The following TRDMT1 variants were observed in gnomAD, a reference collection of about 807,000 sequenced individuals.
The protein encoded by TRDMT1 is tRNA (cytosine(38)-C(5))-methyltransferase.
In TRDMT1, 49 loss-of-function variants were observed where a neutral mutation model predicts 51.2. That is an observed-to-expected ratio of 0.96 (90% CI 0.76 to 1.21). TRDMT1 has a LOEUF of 1.21. TRDMT1 is among the 50% of genes most tolerant of loss of function. The probability of loss-of-function intolerance (pLI) is 0.00; values close to 1 mark genes in which losing one functional copy is unlikely to be tolerated. For missense variants in TRDMT1, 534 were observed against 462.3 expected, an observed-to-expected ratio of 1.16 and a Z score of -1.42; for synonymous variants, 187 against 164.6, an observed-to-expected ratio of 1.14 and a Z score of -1.04.
chr10:17,182,191 G>C (rs905273263), intron 1 of TRDMT1, among the ~76,000 whole-genome samples: 33 of 152,154 alleles, frequency 2.2e-4, no homozygotes, highest in African/African-American at 7.0e-4. Flanking sequence ...CAGGCATTTT[G>C]ATGCAATAAG....
chr10:17,161,941 G>C (rs1050614262), intron 4 of TRDMT1, among the ~76,000 whole-genome samples: 1 of 152,222 alleles, frequency 6.6e-6, no homozygotes, highest in African/African-American at 2.4e-5. Context: ...GCAGAATCTA[G>C]CTAGTAGGCT....
At position 17,148,053 on chromosome 10, in the gene TRDMT1, C is replaced by A. The variant is rs556069761; in HGVS notation, c.*987G>T. 1 of 985,256 alleles carries A rather than the reference C, an allele frequency of 1.0e-6. No homozygotes were observed. The highest frequency in any genetic ancestry group is 1.7e-5 in the African/African-American group (1 of 57,358). The allele number at this position is 985,256 out of a possible 1,614,324, so 61.0% of individuals were successfully genotyped here. A position where few individuals can be genotyped will look rare whatever the true frequency, so the allele number is the denominator to read the frequency against. ...TTCTTTTCATCTCTCTTCTCTTTGT[C>A]ACTTGCTTTTATCACAAACCATAGA... On this transcript the variant is annotated 3_prime_UTR_variant, in exon 11 of 11. Coordinates refer to ENST00000377799, the MANE Select transcript of TRDMT1 (RefSeq NM_004412.7).
chr10:17,171,109 A>G (rs1380161541), intron 2 of TRDMT1, among the ~76,000 whole-genome samples: 1 of 61,656 alleles, frequency 1.6e-5, no homozygotes, highest in African/African-American at 4.9e-5. Context: ...TACTGGATTT[A>G]GATGTGTGTG....
intron 1 of TRDMT1, among the ~76,000 whole-genome samples, chr10:17,178,764 T>C (rs1842929437): frequency 6.6e-6 from 1 of 152,044 alleles, no homozygotes; most frequent in Non-Finnish European, 1.5e-5. Flanking sequence ...ATTAAAAATA[T>C]TTTTCAAAGA....
intron 1 of TRDMT1, among the ~76,000 whole-genome samples, chr10:17,177,266 G>C (rs1267008140): frequency 6.6e-6 from 1 of 150,854 alleles, no homozygotes; most frequent in East Asian, 1.9e-4. Context: ...GCATGATCTC[G>C]GCTCACTGCA....
intron 1 of TRDMT1, among the ~76,000 whole-genome samples, chr10:17,184,922 A>G (rs747491537): frequency 6.6e-6 from 1 of 152,034 alleles, no homozygotes; most frequent in Non-Finnish European, 1.5e-5. Flanking sequence ...TAGAATATGG[A>G]TATCTGTTTG....
chr10:17,184,661 T>C (rs1215912576), intron 1 of TRDMT1, among the ~76,000 whole-genome samples: 1 of 152,136 alleles, frequency 6.6e-6, no homozygotes, highest in Non-Finnish European at 1.5e-5. Flanking sequence ...AAAGGAGAGT[T>C]AAGTTTTACA....
At position 17,151,120 on chromosome 10, in the gene TRDMT1, TTAAATC is replaced by T. The variant is rs527466526; in HGVS notation, c.1076-1986_1076-1981del. 16 of 766,474 alleles carry T rather than the reference TTAAATC, an allele frequency of 2.1e-5. No homozygotes were observed. The African/African-American group carries it at 2.8e-4, about 14-fold the overall frequency. The allele number at this position is 766,474 out of a possible 1,614,324, so 47.5% of individuals were successfully genotyped here. A position where few individuals can be genotyped will look rare whatever the true frequency, so the allele number is the denominator to read the frequency against. ...AAGTAAAGCATCTGTGCATATTTCT[TTAAATC>T]TAAACTATTAGGTTGGCACAAAAGT... On this transcript the variant is annotated intron_variant, in intron 10 of 10. Transcript: ENST00000377799.
At position 17,140,746 on chromosome 10, in the gene TRDMT1, A is replaced by G. The variant is rs1265129575; in HGVS notation, c.*8294T>C. ...GAAAACAAAAACAACAAAAAAGATC[A>G]CATTCAATTGAAAAATATAAACAAG... On this transcript the variant is annotated 3_prime_UTR_variant, in exon 11 of 11. Coordinates refer to ENST00000377799, the MANE Select transcript of TRDMT1 (RefSeq NM_004412.7). 3.0e-5 allele frequency among the ~76,000 whole-genome samples: 4 copies of G among 132,774 alleles called. No individual in the cohort carries two copies. The highest frequency in any genetic ancestry group is 1.1e-4 in the African/African-American group (4 of 35,886). 87.1% of individuals were successfully genotyped at this position (132,774 alleles called of 152,430 possible). A position where few individuals can be genotyped will look rare whatever the true frequency, so the allele number is the denominator to read the frequency against.
intron 1 of TRDMT1, among the ~76,000 whole-genome samples, chr10:17,189,751 A>C (rs1433263000): frequency 6.6e-6 from 1 of 152,148 alleles, no homozygotes; most frequent in East Asian, 1.9e-4. Flanking sequence ...ATTTCAATTT[A>C]ACTAGAATTT....
intron 1 of TRDMT1, among the ~76,000 whole-genome samples, chr10:17,185,298 A>C (rs1341748617): frequency 6.6e-6 from 1 of 152,228 alleles, no homozygotes; most frequent in Non-Finnish European, 1.5e-5. Context: ...ACATTTATGC[A>C]GCCAAAAGAC....
chr10:17,168,294 C>T (rs967213185), intron 3 of TRDMT1, among the ~76,000 whole-genome samples: 1 of 152,082 alleles, frequency 6.6e-6, no homozygotes, highest in South Asian at 2.1e-4. Context: ...CAGAGCAAGA[C>T]CCTGTCCCAA....
intron 1 of TRDMT1, among the ~76,000 whole-genome samples, chr10:17,179,873 C>T (rs550275143): frequency 7.2e-5 from 11 of 151,936 alleles, no homozygotes; most frequent in South Asian, 2.1e-4. Flanking sequence ...AGAGAGAAAT[C>T]GGAGGTATTG....
rs1333169782 is a variant in TRDMT1, at chr10:17,153,579, G to T, written c.1003C>A (p.Leu335Met). The stretch of plus-strand genomic sequence containing the variant: ...AAATATCGCAGTTTAAGTATTAACA[G>T]CTTTGTTATCTGTTCTTCTTGTGAC... ...NLSQEEQITKLLILKLRYFTP... is the reference protein window; with the variant it reads ...NLSQEEQITKMLILKLRYFTP... The change falls in exon 10 of 11, where the codon CTG becomes ATG. Residue 335 changes from leucine to methionine, a missense_variant. Physicochemically the swap from Leu to Met is conservative, Grantham distance 15. Coordinates refer to ENST00000377799, the MANE Select transcript of TRDMT1 (RefSeq NM_004412.7). 6.2e-7 allele frequency: 1 copy of T among 1,611,750 alleles called. No homozygotes were observed. Among genetic ancestry groups the T allele is most frequent in the Non-Finnish European group, 8.5e-7 (1 of 1,179,156 alleles).
chr10:17,144,562 TA>T lies in TRDMT1; in HGVS notation c.*4477del, dbSNP rs1837944029. The T allele has an allele frequency of 1.0e-6, 1 of 985,586 alleles. No homozygotes were observed. Among genetic ancestry groups the T allele is most frequent in the South Asian group, 4.7e-5 (1 of 21,284 alleles). The allele number at this position is 985,586 out of a possible 1,614,324, so 61.1% of individuals were successfully genotyped here. ...GTGGCTGAAAGTAAGACTCAGAATCTATGGTAAATATAAAGCCAATGTATAT... is the reference window on the plus strand; with the variant it reads ...GTGGCTGAAAGTAAGACTCAGAATCTTGGTAAATATAAAGCCAATGTATAT... On this transcript the variant is annotated 3_prime_UTR_variant, in exon 11 of 11. Transcript: ENST00000377799.
At chr10:17,161,958 C>T (rs1187674028) in intron 4 of TRDMT1, among the ~76,000 whole-genome samples, 1 of 152,172 alleles carries the variant, frequency 6.6e-6, no homozygotes, top group Non-Finnish European at 1.5e-5. Flanking sequence ...GGCTGTGATT[C>T]CCTGTCACTC....
intron 1 of TRDMT1, among the ~76,000 whole-genome samples, chr10:17,183,765 C>G (rs1480454893): frequency 6.6e-6 from 1 of 152,124 alleles, no homozygotes; most frequent in African/African-American, 2.4e-5. Flanking sequence ...AAAAATGACT[C>G]TTATTTTGGA....
intron 1 of TRDMT1, among the ~76,000 whole-genome samples, chr10:17,182,230 C>T (rs1434870769): frequency 6.6e-6 from 1 of 152,174 alleles, no homozygotes; most frequent in African/African-American, 2.4e-5. Flanking sequence ...ATGCACCCAA[C>T]CTAGAAGAAA....
chr10:17,201,176 G>C (rs1386790818), intron 1 of TRDMT1: 4 of 186,856 alleles, frequency 2.1e-5, no homozygotes, highest in African/African-American at 7.1e-5. Flanking sequence ...TCCCTCCCCA[G>C]CTGGGAAGCC....
Sources: allele counts gnomAD v4.1 joint callset (sites outside exome capture counted in the v4.1 genomes callset), GRCh38; gene constraint gnomAD v4.1.1; transcripts MANE v1.5; gene names NCBI Gene and HGNC (gene_info 2026-07-23, HGNC 2026-07-21).